SH3RF3: variants seen among roughly 807,000 people sequenced by gnomAD.
SH3RF3 encodes the protein SH3 domain containing ring finger 3.
A neutral mutation model predicts 66.3 loss-of-function variants in SH3RF3; 29 were observed. The ratio of observed to expected loss-of-function variants is 0.44; its 90% confidence interval spans 0.33 to 0.60. SH3RF3 has a LOEUF of 0.60. Among genes scored for constraint, SH3RF3 ranks in the 20% least tolerant of loss-of-function variants. SH3RF3 has a pLI of 0.04. For synonymous variants in SH3RF3, 583 were observed against 532.0 expected (o/e 1.10, Z -1.32); for missense variants, 1,194 against 1,190.9 (o/e 1.00, Z -0.04).
intron 3 of SH3RF3, among the ~76,000 whole-genome samples, chr2:109,380,271 T>G (rs193093787): frequency 1.3e-5 from 2 of 152,292 alleles, no homozygotes; most frequent in East Asian, 3.9e-4. Context: ...TAATAGAATA[T>G]CTTACATTCC....
chr2:109,457,348 A>G lies in SH3RF3; in HGVS notation c.2148+7859A>G, dbSNP rs192915278. 6.2e-4 allele frequency among the ~76,000 whole-genome samples: 94 copies of G among 152,368 alleles called. No individual in the cohort carries two copies. The Middle Eastern group carries it at 0.01, about 17-fold the overall frequency. On this transcript the variant is annotated intron_variant, in intron 8 of 9. Transcript: ENST00000309415. ...TTTTGTTATATGAACAATGAAGGGA[A>G]CTCAAGTAAACTATTATTCAGAAGT...
At chr2:109,459,036 A>T (rs1375137751) in intron 8 of SH3RF3, among the ~76,000 whole-genome samples, 4 of 152,174 alleles carry the variant, frequency 2.6e-5, no homozygotes, top group Non-Finnish European at 1.5e-5. Context: ...CTAATATGAT[A>T]CAACAAGCCT....
At chr2:109,417,402 G>T (rs1220272909) in intron 4 of SH3RF3, among the ~76,000 whole-genome samples, 1 of 152,126 alleles carries the variant, frequency 6.6e-6, no homozygotes. Flanking sequence ...TCATGGAGAG[G>T]GCAGGTGTCC....
chr2:109,361,003 A>T (rs1397295636), intron 2 of SH3RF3, among the ~76,000 whole-genome samples: 1 of 152,120 alleles, frequency 6.6e-6, no homozygotes, highest in Non-Finnish European at 1.5e-5. Flanking sequence ...GTTCCCCTCT[A>T]TTTGTAGTTT....
chr2:109,438,082 C>T (rs1677459247), intron 7 of SH3RF3, among the ~76,000 whole-genome samples: 1 of 152,198 alleles, frequency 6.6e-6, no homozygotes, highest in African/African-American at 2.4e-5. Flanking sequence ...ATTTCTTAGA[C>T]TAACGAACAC....
rs374817800 is a variant in SH3RF3, at chr2:109,136,040, G to A, written c.573+5927G>A. 3.9e-5 allele frequency among the ~76,000 whole-genome samples: 6 copies of A among 152,186 alleles called. No homozygotes were observed. The South Asian group carries it at 1.0e-3, about 26-fold the overall frequency. ...ACAGCTGCCTAGAATCAGGCTGCTT[G>A]CTGTGATGGAGCTGAGCAGAATTCT... On this transcript the variant is annotated intron_variant, in intron 1 of 9. Transcript: ENST00000309415.
At chr2:109,399,973 A>G (rs570722695) in intron 4 of SH3RF3, among the ~76,000 whole-genome samples, 1 of 152,314 alleles carries the variant, frequency 6.6e-6, no homozygotes, top group African/African-American at 2.4e-5. Flanking sequence ...CACGCTCCAC[A>G]TTCCTTCCAG....
intron 6 of SH3RF3, among the ~76,000 whole-genome samples, chr2:109,433,130 G>GGA (rs1363765988): frequency 4.6e-5 from 7 of 152,268 alleles, no homozygotes; most frequent in African/African-American, 1.7e-4. Context: ...TATGCATACT[G>GGA]TAAGCACAAG....
intron 8 of SH3RF3, among the ~76,000 whole-genome samples, chr2:109,467,510 C>T (rs1336354717): frequency 6.6e-6 from 1 of 152,162 alleles, no homozygotes; most frequent in Non-Finnish European, 1.5e-5. Flanking sequence ...GACTGGGGGG[C>T]TTGGGCCCAC....
chr2:109,221,710 A>T (rs1679248372), intron 1 of SH3RF3, among the ~76,000 whole-genome samples: 1 of 151,968 alleles, frequency 6.6e-6, no homozygotes. Flanking sequence ...CCAATTTTTA[A>T]TGGGATTAAG....
rs1263362580 is a variant in SH3RF3, at chr2:109,308,920, TC to T, written c.574-38752del. ...TTGGTGATGCGGGCCCTTTTTTGGT[TC>T]CATGTGAACTTTAAAGTAGTTTTTT... On this transcript the variant is annotated intron_variant, in intron 1 of 9. Coordinates refer to ENST00000309415, the MANE Select transcript of SH3RF3 (RefSeq NM_001099289.3). 3.6e-4 allele frequency among the ~76,000 whole-genome samples: 29 copies of T among 80,514 alleles called. 8 individuals are homozygous for T. The highest frequency in any genetic ancestry group is 5.3e-4 in the Non-Finnish European group (26 of 48,982). 52.8% of individuals were successfully genotyped at this position (80,514 alleles called of 152,430 possible). A position where few individuals can be genotyped will look rare whatever the true frequency, so the allele number is the denominator to read the frequency against.
chr2:109,452,723 G>C (rs947202712), intron 8 of SH3RF3, among the ~76,000 whole-genome samples: 7 of 152,150 alleles, frequency 4.6e-5, no homozygotes, highest in African/African-American at 1.7e-4. Context: ...GTTCCCGGGA[G>C]GCTTGTGCCA....
At chr2:109,329,047 C>T (rs928614325) in intron 1 of SH3RF3, among the ~76,000 whole-genome samples, 12 of 152,146 alleles carry the variant, frequency 7.9e-5, no homozygotes, top group Admixed American at 2.6e-4. Context: ...CATCTTAGTC[C>T]AGTGGCCTGG....
chr2:109,390,353 T>G (rs1012682076), intron 3 of SH3RF3, among the ~76,000 whole-genome samples: 3 of 152,202 alleles, frequency 2.0e-5, no homozygotes, highest in Non-Finnish European at 4.4e-5. Context: ...AGGACACCCC[T>G]GCTGAGGGGC....
intron 1 of SH3RF3, among the ~76,000 whole-genome samples, chr2:109,145,060 A>G (rs1018178685): frequency 2.0e-5 from 3 of 152,222 alleles, no homozygotes; most frequent in African/African-American, 7.2e-5. Flanking sequence ...GCTCGTAAGC[A>G]GAGTGTTAAG....
intron 1 of SH3RF3, among the ~76,000 whole-genome samples, chr2:109,249,917 C>A (rs1009107474): frequency 1.3e-5 from 2 of 151,802 alleles, no homozygotes; most frequent in African/African-American, 4.8e-5. Context: ...ATCTCCTGAC[C>A]TCATGATCCA....
At chr2:109,437,765 G>T (rs1408107624) in intron 7 of SH3RF3, among the ~76,000 whole-genome samples, 3 of 152,194 alleles carry the variant, frequency 2.0e-5, no homozygotes, top group Admixed American at 2.0e-4. Flanking sequence ...GAGATGAAAA[G>T]AAATTATGGG....
intron 1 of SH3RF3, among the ~76,000 whole-genome samples, chr2:109,228,512 G>T (rs1679427515): frequency 6.6e-6 from 1 of 152,212 alleles, no homozygotes; most frequent in African/African-American, 2.4e-5. Flanking sequence ...TGGGTATTCA[G>T]TTCAGTTCTG....
At chr2:109,299,562 G>A (rs1681406882) in intron 1 of SH3RF3, among the ~76,000 whole-genome samples, 1 of 152,140 alleles carries the variant, frequency 6.6e-6, no homozygotes, top group South Asian at 2.1e-4. Flanking sequence ...GAGTCACCAA[G>A]CATCATCATG....
Sources: gnomAD v4.1 joint callset for allele counts (sites outside exome capture counted in the v4.1 genomes callset) on GRCh38, gnomAD v4.1.1 for gene constraint, MANE v1.5 for transcripts, NCBI Gene and HGNC (gene_info 2026-07-23, HGNC 2026-07-21) for gene names.